Variants in GSG1L observed in about 807,000 individuals in gnomAD.
GSG1L encodes germ cell-specific gene 1-like protein.
A neutral mutation model predicts 42.1 loss-of-function variants in GSG1L; 24 were observed. The observed-to-expected ratio is 0.57, with a 90% CI of 0.41 to 0.80. The LOEUF is 0.80. Among genes scored for constraint, GSG1L ranks in the 30% least tolerant of loss-of-function variants. The pLI is 0.00. For missense variants in GSG1L, 445 were observed against 472.2 expected (o/e 0.94, Z 0.53); for synonymous variants, 215 against 203.5 (o/e 1.06, Z -0.48).
At chr16:28,006,098 TG>T (rs1251418026) in intron 1 of GSG1L, among the ~76,000 whole-genome samples, 1 of 151,858 alleles carries the variant, frequency 6.6e-6, no homozygotes, top group Non-Finnish European at 1.5e-5. Flanking sequence ...GAAGACGGGG[TG>T]GGGGGTCCCC....
intron 1 of GSG1L, among the ~76,000 whole-genome samples, chr16:28,030,844 GGGATTGGATA>G: frequency 6.7e-6 from 1 of 149,686 alleles, no homozygotes; most frequent in East Asian, 2.0e-4. Context: ...GGAATGGGAT[GGGATTGGATA>G]GACTGGGATG....
intron 1 of GSG1L, among the ~76,000 whole-genome samples, chr16:28,055,283 GTA>G (rs1227608853): frequency 6.6e-6 from 1 of 152,100 alleles, no homozygotes; most frequent in Non-Finnish European, 1.5e-5. Flanking sequence ...AGCCTCCTGA[GTA>G]GCTGGGACTT....
intron 2 of GSG1L, among the ~76,000 whole-genome samples, chr16:27,948,718 G>C (rs147398439): frequency 6.7e-6 from 1 of 148,600 alleles, no homozygotes; most frequent in Non-Finnish European, 1.5e-5. Flanking sequence ...CACGCCATTC[G>C]CCTGTCTCAG....
chr16:27,880,041 TC>T (rs1056088000), intron 3 of GSG1L, among the ~76,000 whole-genome samples: 7 of 152,022 alleles, frequency 4.6e-5, no homozygotes, highest in Admixed American at 4.6e-4. Flanking sequence ...GCCCAACCTC[TC>T]CCCAGATAGA....
chr16:27,897,681 G>A (rs1479101192), intron 2 of GSG1L, among the ~76,000 whole-genome samples: 2 of 152,058 alleles, frequency 1.3e-5, no homozygotes, highest in Non-Finnish European at 2.9e-5. Flanking sequence ...CCCCTAGATC[G>A]ACCTTAGCAA....
chr16:28,030,111 A>G (rs1418528372), intron 1 of GSG1L, among the ~76,000 whole-genome samples: 1 of 152,212 alleles, frequency 6.6e-6, no homozygotes, highest in African/African-American at 2.4e-5. Flanking sequence ...TTGAAGAAAG[A>G]TAGAGAGGAT....
At chr16:27,901,891 C>T (rs1306006887) in intron 2 of GSG1L, among the ~76,000 whole-genome samples, 1 of 152,226 alleles carries the variant, frequency 6.6e-6, no homozygotes, top group Non-Finnish European at 1.5e-5. Context: ...TCCTCCAAAG[C>T]CACCTCAGGG....
At chr16:27,807,868 G>A (rs1270853102) in intron 5 of GSG1L, among the ~76,000 whole-genome samples, 3 of 152,194 alleles carry the variant, frequency 2.0e-5, no homozygotes, top group Non-Finnish European at 4.4e-5. Context: ...TAAATTATTT[G>A]CGAATGGTAT....
intron 1 of GSG1L, among the ~76,000 whole-genome samples, chr16:28,012,382 T>C (rs953857379): frequency 6.6e-6 from 1 of 152,162 alleles, no homozygotes; most frequent in African/African-American, 2.4e-5. Flanking sequence ...TGTGTGATCT[T>C]AGGCCAGTCA....
chr16:27,888,149 T>G, intron 2 of GSG1L: 3 of 985,368 alleles, frequency 3.0e-6, no homozygotes, highest in South Asian at 4.7e-5. Context: ...GCTCACTGAC[T>G]CAGCTGCCTC....
intron 1 of GSG1L, among the ~76,000 whole-genome samples, chr16:28,016,001 G>GT (rs1488462766): frequency 1.3e-5 from 2 of 152,016 alleles, no homozygotes; most frequent in African/African-American, 2.4e-5. Flanking sequence ...TTTTGTTTTT[G>GT]TTTTTTTGAG....
chr16:27,833,804 A>G (rs1034915196), intron 4 of GSG1L, among the ~76,000 whole-genome samples: 1 of 152,192 alleles, frequency 6.6e-6, no homozygotes. Flanking sequence ...CTAAGACAAC[A>G]CTAAACTTAT....
At chr16:27,803,720 TG>T (rs2082910536) in intron 6 of GSG1L, among the ~76,000 whole-genome samples, 1 of 150,356 alleles carries the variant, frequency 6.7e-6, no homozygotes, top group Non-Finnish European at 1.5e-5. Flanking sequence ...GATGGTCTCC[TG>T]GTCTCGAGTT....
chr16:27,887,738 A>C (rs2084046288), intron 2 of GSG1L, among the ~76,000 whole-genome samples: 1 of 152,196 alleles, frequency 6.6e-6, no homozygotes, highest in African/African-American at 2.4e-5. Flanking sequence ...TTCCTAGCGC[A>C]ACAGTGCTTT....
rs74426033 is a variant in GSG1L, at chr16:27,891,763, G to A, written c.398-7125C>T. The stretch of plus-strand genomic sequence containing the variant: ...ACTGGAATTACAAGCGTGAGCCACC[G>A]TGACTGGCCTCAGATTCTCTTAACC... On this transcript the variant is annotated intron_variant, in intron 2 of 6. Transcript: ENST00000447459. Among the ~76,000 whole-genome samples the A allele has an allele frequency of 1.6e-3, 237 of 152,062 alleles. 1 individual carries two copies. The highest frequency in any genetic ancestry group is 4.7e-3 in the African/African-American group (195 of 41,482).
chr16:27,982,454 C>A (rs1204831997), intron 1 of GSG1L, among the ~76,000 whole-genome samples: 1 of 152,104 alleles, frequency 6.6e-6, no homozygotes, highest in Non-Finnish European at 1.5e-5. Flanking sequence ...TGAGGCAATT[C>A]CTGGGGAGGG....
intron 5 of GSG1L, chr16:27,823,822 A>T: frequency 1.4e-6 from 1 of 702,670 alleles, no homozygotes; most frequent in African/African-American, 1.7e-5. Context: ...ACAGGGAAGG[A>T]CTATGTGGCC....
chr16:28,015,118 G>A (rs2085765548), intron 1 of GSG1L, among the ~76,000 whole-genome samples: 1 of 152,230 alleles, frequency 6.6e-6, no homozygotes, highest in Non-Finnish European at 1.5e-5. Context: ...AAGGCAGAGA[G>A]TGCCTTCTTT....
chr16:27,815,450 A>C (rs780470615), intron 5 of GSG1L, among the ~76,000 whole-genome samples: 1 of 152,214 alleles, frequency 6.6e-6, no homozygotes, highest in Non-Finnish European at 1.5e-5. Flanking sequence ...AACACAAGCC[A>C]CATAAACCTC....
Sources: gnomAD v4.1 joint callset for allele counts (sites outside exome capture counted in the v4.1 genomes callset) on GRCh38, gnomAD v4.1.1 for gene constraint, MANE v1.5 for transcripts, NCBI Gene and HGNC (gene_info 2026-07-23, HGNC 2026-07-21) for gene names.